Variants in CADM2 observed in about 807,000 individuals in gnomAD.
CADM2 encodes cell adhesion molecule 2.
A neutral mutation model predicts 49.8 loss-of-function variants in CADM2; 12 were observed. The ratio of observed to expected loss-of-function variants is 0.24; its 90% CI spans 0.15 to 0.39. CADM2 has a LOEUF of 0.39. Ranked by LOEUF, CADM2 falls within the 10% of genes least tolerant of loss-of-function variation. The pLI, the probability that CADM2 is intolerant of heterozygous loss-of-function variation, is 1.00. For missense variants in CADM2, 378 were observed against 492.3 expected (o/e 0.77, Z 2.20); for synonymous variants, 214 against 175.4 (o/e 1.22, Z -1.74).
chr3:85,380,324 T>C (rs1324700605), intron 1 of CADM2, among the ~76,000 whole-genome samples: 2 of 151,924 alleles, frequency 1.3e-5, no homozygotes, highest in Non-Finnish European at 2.9e-5. Context: ...ATACACAATA[T>C]ATAAATGTTG....
chr3:85,711,378 G>C (rs1254040606), intron 1 of CADM2, among the ~76,000 whole-genome samples: 1 of 152,194 alleles, frequency 6.6e-6, no homozygotes, highest in East Asian at 1.9e-4. Flanking sequence ...AATTAACACT[G>C]TCTGACTTCA....
intron 1 of CADM2, among the ~76,000 whole-genome samples, chr3:85,405,642 C>T (rs565415629): frequency 5.9e-5 from 9 of 152,016 alleles, no homozygotes; most frequent in African/African-American, 9.7e-5. Flanking sequence ...ATGAAAGTAG[C>T]GTTCCTATAG....
intron 8 of CADM2, among the ~76,000 whole-genome samples, chr3:86,016,420 C>A (rs1325325475): frequency 6.6e-6 from 1 of 152,014 alleles, no homozygotes; most frequent in Non-Finnish European, 1.5e-5. Flanking sequence ...AACATATTTT[C>A]TAACTTTGCT....
chr3:85,774,832 G>A (rs1362349546), intron 2 of CADM2, among the ~76,000 whole-genome samples: 3 of 151,676 alleles, frequency 2.0e-5, no homozygotes, highest in Non-Finnish European at 3.0e-5. Context: ...TCGGAAAGTA[G>A]CAGAGTGGTA....
intron 1 of CADM2, among the ~76,000 whole-genome samples, chr3:85,294,385 A>T (rs937328452): frequency 1.3e-5 from 2 of 151,900 alleles, no homozygotes; most frequent in African/African-American, 4.9e-5. Flanking sequence ...TACAGATTCA[A>T]TGCCATCCTC....
rs116062386 is a variant in CADM2 at position 85,403,011 on chromosome 3, C to T, written c.62-323511C>T. ...TATTTTCAGCATCATTATTGCCTCACGGTAAACATACCTGAAAGGTTAGGG... is the reference window on the plus strand; with the variant it reads ...TATTTTCAGCATCATTATTGCCTCATGGTAAACATACCTGAAAGGTTAGGG... On this transcript the variant is annotated intron_variant, in intron 1 of 9. Coordinates refer to ENST00000383699, the MANE Select transcript of CADM2 (RefSeq NM_001167675.2). Among the ~76,000 whole-genome samples the T allele has an allele frequency of 6.2e-3, 948 of 152,090 alleles. 9 individuals are homozygous for T. Among genetic ancestry groups the T allele is most frequent in the Admixed American group, 0.022 (330 of 15,266 alleles).
At chr3:85,742,380 A>G (rs978093125) in intron 2 of CADM2, among the ~76,000 whole-genome samples, 1 of 152,156 alleles carries the variant, frequency 6.6e-6, no homozygotes, top group Non-Finnish European at 1.5e-5. Context: ...CTATAAAGAC[A>G]TATTCTAAAT....
intron 1 of CADM2, among the ~76,000 whole-genome samples, chr3:85,230,970 T>C (rs1338107993): frequency 6.6e-6 from 1 of 151,658 alleles, no homozygotes; most frequent in African/African-American, 2.4e-5. Flanking sequence ...AAGTTGAAAA[T>C]CGAAGTGTTG....
rs1224516135 is a variant in CADM2, at chr3:84,984,048, T to TATACACAC, written c.61+24381_61+24382insTACACACA. Reference sequence around the variant, plus strand: ...CTTCATTGTGATATATATATATATATACACACACACACACACACACACACA... The same window carrying TATACACAC: ...CTTCATTGTGATATATATATATATATATACACACACACACACACACACACACACACACA... On this transcript the variant is annotated intron_variant, in intron 1 of 9. Transcript: ENST00000383699. Among the ~76,000 whole-genome samples, 38 of 143,304 alleles carry TATACACAC rather than the reference T, an allele frequency of 2.7e-4. 1 individual carries two copies. Among genetic ancestry groups the TATACACAC allele is most frequent in the African/African-American group, 9.4e-4 (36 of 38,502 alleles). 94.0% of individuals were successfully genotyped at this position (143,304 alleles called of 152,430 possible).
intron 5 of CADM2, among the ~76,000 whole-genome samples, chr3:85,908,016 C>T (rs1717035023): frequency 6.6e-6 from 1 of 151,950 alleles, no homozygotes; most frequent in Admixed American, 6.6e-5. Flanking sequence ...GATTATACTG[C>T]TCAAGGCATA....
chr3:85,543,573 C>T (rs543602224), intron 1 of CADM2, among the ~76,000 whole-genome samples: 4 of 152,182 alleles, frequency 2.6e-5, no homozygotes, highest in South Asian at 2.1e-4. Flanking sequence ...CCTGAGCCAC[C>T]GCACCTGGCC....
In CADM2 at chr3:85,757,367, A is replaced by G. The variant is rs2069170566; in HGVS notation, c.88+30819A>G. On this transcript the variant is annotated intron_variant, in intron 2 of 9. Transcript: ENST00000383699. Reference sequence around the variant, plus strand: ...AAGTTCTTGGTTTAGAGAAATAAAGAAACATGGCTCATGTACTTAAGGAGC... The same window carrying G: ...AAGTTCTTGGTTTAGAGAAATAAAGGAACATGGCTCATGTACTTAAGGAGC... Among the ~76,000 whole-genome samples the G allele has an allele frequency of 5.9e-5, 9 of 152,140 alleles. No homozygotes were observed. The South Asian group carries it at 1.9e-3, about 31-fold the overall frequency.
At chr3:85,290,278 G>T (rs527248885) in intron 1 of CADM2, among the ~76,000 whole-genome samples, 1 of 152,116 alleles carries the variant, frequency 6.6e-6, no homozygotes, top group East Asian at 1.9e-4. Flanking sequence ...CACCTGGCTC[G>T]GAGGGTCCTA....
chr3:85,254,311 G>A (rs1424880721), intron 1 of CADM2, among the ~76,000 whole-genome samples: 1 of 152,014 alleles, frequency 6.6e-6, no homozygotes, highest in Non-Finnish European at 1.5e-5. Context: ...ACCTCCATGG[G>A]TTCAGCAATC....
At chr3:86,013,158 G>T in intron 8 of CADM2, 1 of 1,350,926 alleles carries the variant, frequency 7.4e-7, no homozygotes, top group Admixed American at 1.7e-5. Flanking sequence ...ACGAATAAAA[G>T]AACTGAGTGA....
chr3:85,218,142 TAC>T (rs1339397488), intron 1 of CADM2, among the ~76,000 whole-genome samples: 4 of 152,100 alleles, frequency 2.6e-5, no homozygotes, highest in Non-Finnish European at 5.9e-5. Context: ...TTGTGTAAAA[TAC>T]AGAGTCTTTT....
chr3:85,770,896 A>T (rs186060008), intron 2 of CADM2, among the ~76,000 whole-genome samples: 77 of 152,284 alleles, frequency 5.1e-4, no homozygotes, highest in African/African-American at 1.8e-3. Context: ...CAAAGGGCAG[A>T]TATACAATAG....
intron 2 of CADM2, among the ~76,000 whole-genome samples, chr3:85,787,625 C>G (rs1244619251): frequency 6.6e-6 from 1 of 152,078 alleles, no homozygotes; most frequent in African/African-American, 2.4e-5. Flanking sequence ...ATATGTTCAG[C>G]CTGTATTTGT....
intron 1 of CADM2, among the ~76,000 whole-genome samples, chr3:85,409,829 C>A (rs1335134118): frequency 1.3e-5 from 2 of 151,978 alleles, no homozygotes; most frequent in Non-Finnish European, 2.9e-5. Context: ...GTTAGATGGC[C>A]CCAAATTTTC....
Sources: gnomAD v4.1 joint callset for allele counts (sites outside exome capture counted in the v4.1 genomes callset) on GRCh38, gnomAD v4.1.1 for gene constraint, MANE v1.5 for transcripts, NCBI Gene and HGNC (gene_info 2026-07-23, HGNC 2026-07-21) for gene names.